The following TNR variants were observed in gnomAD, a reference collection of about 807,000 sequenced individuals.
TNR encodes tenascin R.
TNR carries 45 observed loss-of-function variants against 150.4 expected under a neutral mutation model. The observed-to-expected ratio is 0.30, with a 90% confidence interval of 0.24 to 0.38. The LOEUF (loss-of-function observed/expected upper bound fraction) is 0.38, where lower values mean the gene tolerates loss of function less well. Ranked by LOEUF, TNR falls within the 10% of genes least tolerant of loss-of-function variation. TNR has a pLI of 1.00. For missense variants in TNR, 1,544 were observed against 1,759.1 expected (o/e 0.88, Z 2.19); for synonymous variants, 687 against 678.4 (o/e 1.01, Z -0.20).
At chr1:175,551,973 A>C (rs1474626748) in intron 1 of TNR, among the ~76,000 whole-genome samples, 2 of 152,188 alleles carry the variant, frequency 1.3e-5, no homozygotes, top group Non-Finnish European at 2.9e-5. Flanking sequence ...CTACATTTGA[A>C]AAGCAAAAAC....
rs554416343 is a variant in TNR, at chr1:175,408,594, A to G, written c.-63-1817T>C. 2.0e-5 allele frequency among the ~76,000 whole-genome samples: 3 copies of G among 152,312 alleles called. No homozygotes were observed. The South Asian group carries it at 6.2e-4, about 32-fold the overall frequency. The stretch of plus-strand genomic sequence containing the variant: ...TCTGGAGCCTATAGAGTCTCTGTTT[A>G]GGTTCAAGCCTCAGCTCTTTCATTT... On this transcript the variant is annotated intron_variant, in intron 2 of 22. Transcript: ENST00000367674.
At position 175,525,129 on chromosome 1, in the gene TNR, G is replaced by A. The variant is rs1195682154; in HGVS notation, c.-64+3140C>T. Among the ~76,000 whole-genome samples, 4 of 152,174 alleles carry A rather than the reference G, an allele frequency of 2.6e-5. No homozygotes were observed. The South Asian group carries it at 8.3e-4, about 32-fold the overall frequency. The stretch of plus-strand genomic sequence containing the variant: ...CATGATGGTGGGTGAGTTTTCCTGA[G>A]ATCTGACAGTTTTATAAGGGGCTTT... On this transcript the variant is annotated intron_variant, in intron 2 of 22. Transcript: ENST00000367674.
chr1:175,340,048 A>T (rs1650446223), intron 18 of TNR, among the ~76,000 whole-genome samples: 1 of 152,218 alleles, frequency 6.6e-6, no homozygotes, highest in Non-Finnish European at 1.5e-5. Flanking sequence ...CTATCATATA[A>T]AATAGTGATT....
intron 16 of TNR, among the ~76,000 whole-genome samples, chr1:175,355,871 G>A (rs1463488318): frequency 6.6e-6 from 1 of 152,194 alleles, no homozygotes; most frequent in Non-Finnish European, 1.5e-5. Flanking sequence ...AGGCTTGGGT[G>A]TGACATCTTC....
At chr1:175,662,956 C>G (rs562747031) in intron 1 of TNR, among the ~76,000 whole-genome samples, 3 of 152,320 alleles carry the variant, frequency 2.0e-5, no homozygotes, top group Non-Finnish European at 4.4e-5. Context: ...AGAAATATCT[C>G]TAAATATTTT....
chr1:175,443,807 T>C (rs1655907182), intron 2 of TNR, among the ~76,000 whole-genome samples: 1 of 152,192 alleles, frequency 6.6e-6, no homozygotes, highest in Non-Finnish European at 1.5e-5. Context: ...GATTGTGAGA[T>C]TGATTCCTCC....
chr1:175,587,864 C>T (rs1662637324), intron 1 of TNR, among the ~76,000 whole-genome samples: 1 of 152,184 alleles, frequency 6.6e-6, no homozygotes, highest in Non-Finnish European at 1.5e-5. Context: ...CAGGTTGTTG[C>T]ATTCCATTCC....
At chr1:175,726,431 C>A (rs1667482147) in intron 1 of TNR, among the ~76,000 whole-genome samples, 1 of 152,204 alleles carries the variant, frequency 6.6e-6, no homozygotes, top group South Asian at 2.1e-4. Flanking sequence ...TAGGCCTGAA[C>A]CTTAATATGA....
At chr1:175,345,638 A>ACAT (rs1354442450) in intron 18 of TNR, among the ~76,000 whole-genome samples, 2 of 152,182 alleles carry the variant, frequency 1.3e-5, no homozygotes, top group African/African-American at 4.8e-5. Context: ...CTCTTTGAGA[A>ACAT]CATAAAAAGT....
chr1:175,558,244 C>T (rs1188888556), intron 1 of TNR, among the ~76,000 whole-genome samples: 3 of 141,662 alleles, frequency 2.1e-5, no homozygotes, highest in African/African-American at 7.9e-5. Flanking sequence ...GCACAATATG[C>T]ACATGTACCC....
intron 1 of TNR, among the ~76,000 whole-genome samples, chr1:175,726,937 G>A (rs1439835251): frequency 1.3e-5 from 2 of 152,120 alleles, no homozygotes; most frequent in Non-Finnish European, 2.9e-5. Context: ...GCTTGAATGA[G>A]CCCCAATGTG....
At chr1:175,431,349 C>G (rs956402023) in intron 2 of TNR, among the ~76,000 whole-genome samples, 1 of 152,204 alleles carries the variant, frequency 6.6e-6, no homozygotes, top group Non-Finnish European at 1.5e-5. Context: ...ATCTAACAAG[C>G]ATTATCAAGT....
At chr1:175,525,860 C>T (rs149909673) in intron 2 of TNR, among the ~76,000 whole-genome samples, 4 of 152,142 alleles carry the variant, frequency 2.6e-5, no homozygotes, top group African/African-American at 4.8e-5. Context: ...AAGGGCAAAT[C>T]GTGTTTTTAG....
chr1:175,590,076 C>T (rs1638351823), intron 1 of TNR, among the ~76,000 whole-genome samples: 1 of 152,106 alleles, frequency 6.6e-6, no homozygotes, highest in African/African-American at 2.4e-5. Context: ...TATGGTACTG[C>T]AACTGATCTA....
At chr1:175,453,450 G>C (rs1656418221) in intron 2 of TNR, among the ~76,000 whole-genome samples, 1 of 152,148 alleles carries the variant, frequency 6.6e-6, no homozygotes, top group South Asian at 2.1e-4. Flanking sequence ...CCGGAGAGGG[G>C]AGGGGACCTC....
chr1:175,653,895 T>C (rs1665091917), intron 1 of TNR, among the ~76,000 whole-genome samples: 1 of 152,346 alleles, frequency 6.6e-6, no homozygotes, highest in African/African-American at 2.4e-5. Context: ...TATAATTATA[T>C]ACTATTTCCA....
intron 1 of TNR, among the ~76,000 whole-genome samples, chr1:175,637,163 C>T (rs765551482): frequency 3.2e-4 from 48 of 152,180 alleles, no homozygotes; most frequent in Non-Finnish European, 1.2e-4. Flanking sequence ...TTCAAGACAG[C>T]TCTCTGGGCT....
Position 175,323,216 on chromosome 1 carries a change from G to A in TNR, c.*141C>T, listed in dbSNP as rs559328014. The A allele has an allele frequency of 2.0e-5, 22 of 1,106,124 alleles. No individual in the cohort carries two copies. Among genetic ancestry groups the A allele is most frequent in the African/African-American group, 6.4e-5 (4 of 62,844 alleles). The allele number at this position is 1,106,124 out of a possible 1,614,324, so 68.5% of individuals were successfully genotyped here. ...AAACCAAGAGCAGATGTTAGCCAGC[G>A]GATTCCTGCGACATCCCTGCTTCCT... On this transcript the variant is annotated 3_prime_UTR_variant, in exon 23 of 23. Transcript: ENST00000367674.
At chr1:175,618,984 C>T (rs1343588462) in intron 1 of TNR, among the ~76,000 whole-genome samples, 1 of 152,170 alleles carries the variant, frequency 6.6e-6, no homozygotes, top group African/African-American at 2.4e-5. Flanking sequence ...ACAGCTGTGC[C>T]TCCCTGGCCT....
Sources: gnomAD v4.1 joint callset for allele counts (sites outside exome capture counted in the v4.1 genomes callset) on GRCh38, gnomAD v4.1.1 for gene constraint, MANE v1.5 for transcripts, NCBI Gene and HGNC (gene_info 2026-07-23, HGNC 2026-07-21) for gene names.